NUDT22: variants seen among roughly 807,000 people sequenced by gnomAD.
NUDT22 encodes the protein uridine diphosphate glucose pyrophosphatase NUDT22.
A neutral mutation model predicts 28.8 loss-of-function variants in NUDT22; 23 were observed. The ratio of observed to expected loss-of-function variants is 0.80; its 90% CI spans 0.58 to 1.13. The LOEUF is 1.13. Among genes scored for constraint, NUDT22 ranks in the 50% most tolerant of loss-of-function variants. The pLI is 0.00. For missense variants in NUDT22, 358 were observed against 387.3 expected, an observed-to-expected ratio of 0.92 and a Z score of 0.64; for synonymous variants, 175 against 173.7, an observed-to-expected ratio of 1.01 and a Z score of -0.06.
rs180689877 is a variant in NUDT22, at chr11:64,229,447, C to T, written c.678-31C>T. On this transcript the variant is annotated intron_variant, in intron 4 of 5. Transcript: ENST00000279206. Reference sequence around the variant, plus strand: ...ACAGGTACCCCGCAGGGGCTGGTCACCCACTAAGCCACCCTTGTGTTCTTG... The same window carrying T: ...ACAGGTACCCCGCAGGGGCTGGTCATCCACTAAGCCACCCTTGTGTTCTTG... The T allele has an allele frequency of 1.2e-4, 192 of 1,611,246 alleles. No homozygotes were observed. In the African/African-American group the frequency reaches 2.4e-3, roughly 20 times the overall value.
At chr11:64,229,698 C>A in intron 5 of NUDT22, 127 bp downstream of exon 5, 2 of 1,341,940 alleles carry the variant, frequency 1.5e-6, no homozygotes, top group Non-Finnish European at 1.1e-6. Flanking sequence ...GATTTGCCCT[C>A]AGTGCAAGGG....
chr11:64,227,879 T>C (rs937564894), intron 3 of NUDT22: 10 of 547,760 alleles, frequency 1.8e-5, no homozygotes, highest in Admixed American at 1.6e-4. Context: ...TTCTTTCTTT[T>C]TTTTTTTTTA....
chr11:64,229,170 TTTTCA>T (rs1947125565), intron 3 of NUDT22, 72 bp from the exon 4 acceptor site: 1 of 1,036,252 alleles, frequency 9.7e-7, no homozygotes, highest in African/African-American at 1.6e-5. Context: ...AACAGGCGGT[TTTTCA>T]TTGAGACGGG....
intron 5 of NUDT22, 101 bp downstream of exon 5, chr11:64,229,672 C>A: frequency 1.5e-6 from 2 of 1,364,274 alleles, no homozygotes; most frequent in South Asian, 1.2e-5. Flanking sequence ...GGTCACAATT[C>A]CCTCCAGAGT....
In NUDT22 at chr11:64,229,560, G is replaced by T. The variant is rs756467152; in HGVS notation, c.760G>T (p.Val254Leu). 3.7e-6 allele frequency: 6 copies of T among 1,614,074 alleles called. No individual in the cohort carries two copies. The highest frequency in any genetic ancestry group is 5.1e-6 in the Non-Finnish European group (6 of 1,179,942). ...CCACGAGTCTACAGGAATCTTCTTT[G>T]TGGAGACACAGGTGCAGAGTGACAA... ...EAHESTGIFF[V>L]ETQNVQRLLE... Residue 254 changes from valine (V) to leucine (L), a missense_variant, in exon 5 of 6, where the codon GTG (valine) becomes TTG (leucine). Transcript: ENST00000279206.
At position 64,229,500 on chromosome 11, in the gene NUDT22, G is replaced by A. The variant is rs1263254414; in HGVS notation, c.700G>A (p.Val234Met). 5.6e-6 allele frequency: 9 copies of A among 1,614,090 alleles called. 1 individual carries two copies. The highest frequency in any genetic ancestry group is 3.3e-4 in the Middle Eastern group (2 of 6,084). The change falls in exon 5 of 6, where the codon GTG (valine) becomes ATG (methionine). Residue 234 changes from valine to methionine, a missense_variant. Physicochemically the swap from Val to Met is conservative, Grantham distance 21. Coordinates refer to ENST00000279206, the MANE Select transcript of NUDT22 (RefSeq NM_032344.4). ...YVQCSLTSEQ[V>M]RKHYLSGGPE... ...CAGGTGCAGCCTGACTTCTGAGCAGGTGAGGAAGCACTACCTGAGTGGGGG... is the reference window on the plus strand; with the variant it reads ...CAGGTGCAGCCTGACTTCTGAGCAGATGAGGAAGCACTACCTGAGTGGGGG...
intron 3 of NUDT22, chr11:64,228,942 A>AG (rs1947121523): frequency 3.3e-6 from 1 of 300,078 alleles, no homozygotes; most frequent in South Asian, 3.9e-5. Context: ...ACTGTACTCC[A>AG]GCCTGGGCGA....
chr11:64,229,540 A>G lies in NUDT22; in HGVS notation c.740A>G (p.Glu247Gly), dbSNP rs374913918. 10 of 1,614,068 alleles carry G rather than the reference A, an allele frequency of 6.2e-6. No homozygotes were observed. Among genetic ancestry groups the G allele is most frequent in the African/African-American group, 2.7e-5 (2 of 74,956 alleles). ...CTGAGTGGGGGACCCGAGGCCCACG[A>G]GTCTACAGGAATCTTCTTTGTGGAG... Reference protein sequence around the residue: ...HYLSGGPEAHESTGIFFVETQ... With the variant: ...HYLSGGPEAHGSTGIFFVETQ... Residue 247 changes from glutamate to glycine, a missense_variant, in exon 5 of 6, where the codon GAG (glutamate) becomes GGG (glycine). Coordinates refer to ENST00000279206, the MANE Select transcript of NUDT22 (RefSeq NM_032344.4).
intron 3 of NUDT22, 165 bp from the exon 4 acceptor site, chr11:64,229,081 TA>T: frequency 1.7e-6 from 1 of 578,454 alleles, no homozygotes; most frequent in Non-Finnish European, 3.1e-6. Context: ...GGTGTACCTG[TA>T]AAACAAACAT....
intron 2 of NUDT22, 152 bp downstream of exon 2, chr11:64,227,284 C>G (rs994538719): frequency 2.2e-6 from 2 of 916,120 alleles, no homozygotes; most frequent in African/African-American, 3.3e-5. Context: ...AGTCCACCTG[C>G]CTCCCCACTG....
chr11:64,226,384 G>T lies in NUDT22; in HGVS notation c.-62G>T. ...GTCGGAGGCAGACCCCTGGGTTTGG[G>T]GGACATGGGCATTTGGGGCGCCTGA... On this transcript the variant is annotated 5_prime_UTR_variant, in exon 1 of 6. Transcript: ENST00000279206. The T allele has an allele frequency of 7.7e-7, 1 of 1,297,670 alleles. No individual in the cohort carries two copies. The highest frequency in any genetic ancestry group is 2.4e-5 in the South Asian group (1 of 40,958). The allele number at this position is 1,297,670 out of a possible 1,614,324, so 80.4% of individuals were successfully genotyped here.
Position 64,226,977 on chromosome 11 carries a change from G to T in NUDT22, c.325G>T (p.Asp109Tyr). Residue 109 changes from aspartate to tyrosine, a missense_variant, in exon 2 of 6, where the codon GAC (aspartate) becomes TAC (tyrosine). By Grantham distance (160) the Asp-to-Tyr change is radical. Transcript: ENST00000279206. Reference sequence around the variant, plus strand: ...CTGGCTGCGACAGCAGGGTGCCACCGACTGGGGTGACACGCAGGCCTATCT... The same window carrying T: ...CTGGCTGCGACAGCAGGGTGCCACCTACTGGGGTGACACGCAGGCCTATCT... ...AAWLRQQGAT[D>Y]WGDTQAYLAD... is the part of the protein sequence containing the mutation. 1.2e-6 allele frequency: 2 copies of T among 1,602,784 alleles called. No homozygotes were observed. Among genetic ancestry groups the T allele is most frequent in the Non-Finnish European group, 8.5e-7 (1 of 1,179,920 alleles).
chr11:64,227,633 C>CT lies in NUDT22; in HGVS notation c.550dup (p.Ser184PhefsTer9). On this transcript the variant is annotated frameshift_variant, in exon 3 of 6. Transcript: ENST00000279206. LOFTEE classifies it high-confidence loss of function. ...CTGGGCAGCTGGTGGTACATGAACT[C>CT]TTTTCCAGTGTCCTTCAGGAGATCT... 1 of 1,614,124 alleles carries CT rather than the reference C, an allele frequency of 6.2e-7. No individual in the cohort carries two copies. The highest frequency in any genetic ancestry group is 8.5e-7 in the Non-Finnish European group (1 of 1,180,006).
rs919878654 is a variant in NUDT22 at position 64,227,065 on chromosome 11, G to A, written c.413G>A (p.Arg138His). The change falls in exon 2 of 6, where the codon CGC (arginine) becomes CAC (histidine). Residue 138 changes from arginine to histidine, a missense_variant. By Grantham distance (29) the Arg-to-His change is conservative (BLOSUM62 0). Transcript: ENST00000279206. ...ATADDFLVFLRRSRQVAEAPG... is the reference protein window; with the variant it reads ...ATADDFLVFLHRSRQVAEAPG... ...GCCGATGACTTCCTTGTCTTCCTGC[G>A]CCGCTCCCGGCAGGTGGCTGAGGCC... 3.1e-6 allele frequency: 5 copies of A among 1,601,350 alleles called. No homozygotes were observed. Among genetic ancestry groups the A allele is most frequent in the Admixed American group, 3.4e-5 (2 of 59,452 alleles).
rs773256155 is a variant in NUDT22 at position 64,227,677 on chromosome 11, T to C, written c.579+11T>C. On this transcript the variant is annotated intron_variant, in intron 3 of 5. Transcript: ENST00000279206. ...GAGATCTGTGATGAGGTGAGTGAGGTTGACCTGGACAGGGTGGTAGACATG... is the reference window on the plus strand; with the variant it reads ...GAGATCTGTGATGAGGTGAGTGAGGCTGACCTGGACAGGGTGGTAGACATG... 7 of 1,605,874 alleles carry C rather than the reference T, an allele frequency of 4.4e-6. No individual in the cohort carries two copies. The highest frequency in any genetic ancestry group is 2.2e-5 in the East Asian group (1 of 44,828).
chr11:64,229,527 C>A lies in NUDT22; in HGVS notation c.727C>A (p.Pro243Thr). 1 of 1,614,170 alleles carries A rather than the reference C, an allele frequency of 6.2e-7. No individual in the cohort carries two copies. The highest frequency in any genetic ancestry group is 8.5e-7 in the Non-Finnish European group (1 of 1,180,018). The change falls in exon 5 of 6, where the codon CCC becomes ACC. Residue 243 changes from proline (P) to threonine (T), a missense_variant. Coordinates refer to ENST00000279206, the MANE Select transcript of NUDT22 (RefSeq NM_032344.4). ...GAGGAAGCACTACCTGAGTGGGGGA[C>A]CCGAGGCCCACGAGTCTACAGGAAT... ...QVRKHYLSGG[P>T]EAHESTGIFF... is the part of the protein sequence containing the mutation.
rs767575989 is a variant in NUDT22 at position 64,227,550 on chromosome 11, G to A, written c.481-18G>A. ...GGGGAAGAGGTGGGGAGCAGGGGCT[G>A]AGCCTGACCTCTCACAGGCCCTGTG... On this transcript the variant is annotated intron_variant, in intron 2 of 5. Transcript: ENST00000279206. 6.2e-7 allele frequency: 1 copy of A among 1,604,028 alleles called. No individual in the cohort carries two copies. The highest frequency in any genetic ancestry group is 8.5e-7 in the Non-Finnish European group (1 of 1,171,876).
At position 64,227,528 on chromosome 11, in the gene NUDT22, G is replaced by A. The variant is rs551766205; in HGVS notation, c.481-40G>A. On this transcript the variant is annotated intron_variant, in intron 2 of 5. Transcript: ENST00000279206. ...TGCTGGTCCTGAGATGGGGCAGGGG[G>A]AAGAGGTGGGGAGCAGGGGCTGAGC... The A allele has an allele frequency of 1.3e-5, 19 of 1,488,624 alleles. No homozygotes were observed. The Admixed American group carries it at 2.0e-4, about 16-fold the overall frequency. 92.2% of individuals were successfully genotyped at this position (1,488,624 alleles called of 1,614,324 possible).
chr11:64,227,777 T>A lies in NUDT22; in HGVS notation c.579+111T>A, dbSNP rs996492751. 7 of 806,598 alleles carry A rather than the reference T, an allele frequency of 8.7e-6. No homozygotes were observed. The African/African-American group carries it at 1.2e-4, about 14-fold the overall frequency. 50.0% of individuals were successfully genotyped at this position (806,598 alleles called of 1,614,324 possible). On this transcript the variant is annotated intron_variant, in intron 3 of 5. Coordinates refer to ENST00000279206, the MANE Select transcript of NUDT22 (RefSeq NM_032344.4). ...AGGCCTGCAGGCATCTGGCCAGCAATGAGGGAAGAAGTTGGCTTTGCAGCT... is the reference window on the plus strand; with the variant it reads ...AGGCCTGCAGGCATCTGGCCAGCAAAGAGGGAAGAAGTTGGCTTTGCAGCT...
Sources: allele counts gnomAD v4.1 joint callset, GRCh38; gene constraint gnomAD v4.1.1; transcripts MANE v1.5; gene names NCBI Gene and HGNC (gene_info 2026-07-23, HGNC 2026-07-21).